RYR3: variants seen among roughly 807,000 people sequenced by gnomAD.
RYR3 encodes the protein brain ryanodine receptor-calcium release channel.
RYR3 carries 207 observed loss-of-function variants against 584.3 expected under a neutral mutation model. The ratio of observed to expected loss-of-function variants is 0.35; its 90% confidence interval spans 0.32 to 0.40. RYR3 has a LOEUF of 0.40. Ranked by LOEUF, RYR3 falls within the 10% of genes least tolerant of loss-of-function variation. The pLI is 1.00. For missense variants in RYR3, 5,616 were observed against 6,089.2 expected (o/e 0.92, Z 2.59); for synonymous variants, 2,416 against 2,248.5 (o/e 1.07, Z -2.11).
intron 102 of RYR3, among the ~76,000 whole-genome samples, chr15:33,862,091 G>A (rs987291562): frequency 6.6e-6 from 1 of 152,034 alleles, no homozygotes; most frequent in African/African-American, 2.4e-5. Context: ...AGAGTGTATA[G>A]ATTTTATTAC....
At chr15:33,657,189 C>T (rs1316667920) in intron 32 of RYR3, among the ~76,000 whole-genome samples, 1 of 152,112 alleles carries the variant, frequency 6.6e-6, no homozygotes, top group Middle Eastern at 3.2e-3. Context: ...GAAAATAAAC[C>T]TATCCCAGGG....
chr15:33,800,620 G>A, intron 67 of RYR3, 150 bp from the exon 68 acceptor site: 1 of 592,900 alleles, frequency 1.7e-6, no homozygotes, highest in South Asian at 2.2e-5. Context: ...GGAATATATT[G>A]CTATTTAGTC....
intron 1 of RYR3, among the ~76,000 whole-genome samples, chr15:33,416,662 T>TTCTTTTGC (rs1466418098): frequency 6.6e-6 from 1 of 152,226 alleles, no homozygotes; most frequent in Non-Finnish European, 1.5e-5. Context: ...TGTTGATAGT[T>TTCTTTTGC]TCTTTTGCTG....
chr15:33,574,310 G>A lies in RYR3; in HGVS notation c.1269-5666G>A, dbSNP rs559947826. Among the ~76,000 whole-genome samples, 11 of 152,246 alleles carry A rather than the reference G, an allele frequency of 7.2e-5. No individual in the cohort carries two copies. In the South Asian group the frequency reaches 1.9e-3, roughly 26 times the overall value. On this transcript the variant is annotated intron_variant, in intron 12 of 103. Coordinates refer to ENST00000634891, the MANE Select transcript of RYR3 (RefSeq NM_001036.6). ...GTGTTTTTAAAACAAAAAGCAAAAC[G>A]TAAGCCCTGGAACTGGACCAAAATA...
chr15:33,743,247 A>G (rs4780173), intron 52 of RYR3, among the ~76,000 whole-genome samples: 29,171 of 152,102 alleles, frequency 0.19, 3,200 homozygotes, highest in South Asian at 0.27. Context: ...TCGTCCTTCC[A>G]GGAGTCTACT....
intron 1 of RYR3, among the ~76,000 whole-genome samples, chr15:33,361,344 G>A (rs1031040767): frequency 1.3e-4 from 20 of 152,146 alleles, no homozygotes; most frequent in African/African-American, 4.6e-4. Context: ...GATGGCAAGC[G>A]AATATACATG....
chr15:33,504,740 A>T (rs1467158070), intron 3 of RYR3, among the ~76,000 whole-genome samples: 4 of 152,056 alleles, frequency 2.6e-5, no homozygotes, highest in Non-Finnish European at 4.4e-5. Flanking sequence ...ACCACATCCC[A>T]CCAAGTACTC....
intron 38 of RYR3, 86 bp downstream of exon 38, chr15:33,670,642 T>C: frequency 7.5e-7 from 1 of 1,326,110 alleles, no homozygotes; most frequent in East Asian, 2.5e-5. Context: ...GTAAGATAGA[T>C]AGGGGCTGCT....
intron 62 of RYR3, among the ~76,000 whole-genome samples, chr15:33,769,970 G>A (rs2073433067): frequency 2.0e-5 from 3 of 152,062 alleles, no homozygotes; most frequent in Non-Finnish European, 2.9e-5. Flanking sequence ...ATAAATAAGA[G>A]AGAAGCAGTG....
At chr15:33,678,829 A>G (rs1416214064) in intron 38 of RYR3, among the ~76,000 whole-genome samples, 1 of 152,182 alleles carries the variant, frequency 6.6e-6, no homozygotes, top group Non-Finnish European at 1.5e-5. Context: ...ACCCAAGAAC[A>G]ATGCTCCGGG....
chr15:33,721,669 T>C (rs891430870), intron 43 of RYR3, among the ~76,000 whole-genome samples: 1 of 152,198 alleles, frequency 6.6e-6, no homozygotes, highest in Non-Finnish European at 1.5e-5. Context: ...AGTTTTTCTT[T>C]AGGCTTTAGC....
At chr15:33,746,019 C>T (rs373181892) in intron 52 of RYR3, 49 bp from the exon 53 acceptor site, 42 of 1,223,564 alleles carry the variant, frequency 3.4e-5, no homozygotes, top group Middle Eastern at 1.9e-4. Context: ...GGTCACATAG[C>T]GGGGTTCTTT....
At chr15:33,786,736 CAG>C (rs2074743661) in intron 66 of RYR3, among the ~76,000 whole-genome samples, 1 of 152,134 alleles carries the variant, frequency 6.6e-6, no homozygotes, top group Admixed American at 6.5e-5. Context: ...TGGAGTCCAC[CAG>C]TAACATCTTT....
intron 36 of RYR3, among the ~76,000 whole-genome samples, chr15:33,666,083 C>A (rs917799685): frequency 5.3e-5 from 8 of 152,180 alleles, no homozygotes; most frequent in Non-Finnish European, 1.0e-4. Flanking sequence ...CAGCTTACTG[C>A]AACCTCTGCT....
chr15:33,845,178 C>A (rs1182858219), intron 93 of RYR3, 116 bp downstream of exon 93: 7 of 943,244 alleles, frequency 7.4e-6, no homozygotes, highest in Non-Finnish European at 1.1e-5. Flanking sequence ...TTCGTAAGGT[C>A]CGTAGAGCAG....
intron 1 of RYR3, among the ~76,000 whole-genome samples, chr15:33,452,414 C>G (rs2047202848): frequency 6.6e-6 from 1 of 152,148 alleles, no homozygotes; most frequent in South Asian, 2.1e-4. Flanking sequence ...AAAAATCAGT[C>G]CCATTTCTTC....
In RYR3 at chr15:33,854,442, C is replaced by A; in HGVS notation, c.13853C>A (p.Thr4618Asn). 1 of 1,572,406 alleles carries A rather than the reference C, an allele frequency of 6.4e-7. No homozygotes were observed. Among genetic ancestry groups the A allele is most frequent in the Non-Finnish European group, 8.6e-7 (1 of 1,157,708 alleles). Residue 4618 changes from threonine (T) to asparagine (N), a missense_variant, in exon 97 of 104, where the codon ACT becomes AAT. Physicochemically the swap from Thr to Asn is moderately conservative, Grantham distance 65 (BLOSUM62 0). Coordinates refer to ENST00000634891, the MANE Select transcript of RYR3 (RefSeq NM_001036.6). Reference sequence around the variant, plus strand: ...ATCTGGAAGCTTGGAGTTGTTTTTACTGACAACGTAAGTACTGCACCTGGA... The same window carrying A: ...ATCTGGAAGCTTGGAGTTGTTTTTAATGACAACGTAAGTACTGCACCTGGA... ...YHIWKLGVVF[T>N]DNSFLYLAWY...
intron 38 of RYR3, among the ~76,000 whole-genome samples, chr15:33,674,685 A>G (rs1404910628): frequency 6.6e-6 from 1 of 152,130 alleles, no homozygotes; most frequent in African/African-American, 2.4e-5. Context: ...GTATTGTAAT[A>G]AAAGTACAGA....
intron 48 of RYR3, among the ~76,000 whole-genome samples, chr15:33,734,646 A>G (rs1038841513): frequency 6.8e-6 from 1 of 147,330 alleles, no homozygotes; most frequent in Non-Finnish European, 1.5e-5. Flanking sequence ...AGCTGCAAAT[A>G]TTTCTAAAGA....
Sources: gnomAD v4.1 joint callset for allele counts (sites outside exome capture counted in the v4.1 genomes callset) on GRCh38, gnomAD v4.1.1 for gene constraint, MANE v1.5 for transcripts, NCBI Gene and HGNC (gene_info 2026-07-23, HGNC 2026-07-21) for gene names.